The following MLXIP variants were observed in gnomAD, a reference collection of about 807,000 sequenced individuals.
The protein encoded by MLXIP is MLX interacting protein.
MLXIP carries 30 observed loss-of-function variants against 87.2 expected under a neutral mutation model. The ratio of observed to expected loss-of-function variants is 0.34; its 90% CI spans 0.26 to 0.47. The LOEUF (loss-of-function observed/expected upper bound fraction) is 0.47. Among genes scored for constraint, MLXIP ranks in the 20% least tolerant of loss-of-function variants. MLXIP has a pLI of 1.00. For synonymous variants in MLXIP, 530 were observed against 514.0 expected (o/e 1.03, Z -0.42); for missense variants, 1,002 against 1,240.1 (o/e 0.81, Z 2.88).
Position 122,137,652 on chromosome 12 carries a change from ATC to A in MLXIP, c.2154+64_2154+65del. The A allele has an allele frequency of 2.6e-6, 4 of 1,554,762 alleles. No individual in the cohort carries two copies. The highest frequency in any genetic ancestry group is 3.5e-6 in the Non-Finnish European group (4 of 1,150,766). ...GGGAGAGGAGTGCAGGACATCAAGGATCTGTGTCTTGTCTGGAACGGAGACCT... is the reference window on the plus strand; with the variant it reads ...GGGAGAGGAGTGCAGGACATCAAGGATGTGTCTTGTCTGGAACGGAGACCT... On this transcript the variant is annotated intron_variant, in intron 12 of 16. Transcript: ENST00000319080. The surrounding 1 kb of genome is among the most constrained non-coding windows in gnomAD (Gnocchi z 4.1).
Position 122,142,461 on chromosome 12 carries a change from A to G in MLXIP, c.*649A>G, listed in dbSNP as rs1565993295. On this transcript the variant is annotated 3_prime_UTR_variant, in exon 17 of 17. Transcript: ENST00000319080. ...TGGATGTGGAACACACAGGACCAGA[A>G]TGGAAGCGTGTGATGCACGGTGGCT... 1 of 383,838 alleles carries G rather than the reference A, an allele frequency of 2.6e-6. No homozygotes were observed. Among genetic ancestry groups the G allele is most frequent in the Non-Finnish European group, 5.2e-6 (1 of 193,208 alleles). 23.8% of individuals were successfully genotyped at this position (383,838 alleles called of 1,614,324 possible). A position where few individuals can be genotyped will look rare whatever the true frequency, so the allele number is the denominator to read the frequency against.
rs539647583 is a variant in MLXIP at position 122,138,238 on chromosome 12, C to G, written c.2199C>G (p.Phe733Leu). The stretch of plus-strand genomic sequence containing the variant: ...TCTCAGCTGAGCAGAAAAGGCGCTT[C>G]AACATCAAGATGTGCTTCGACATGC... ...KHISAEQKRR[F>L]NIKMCFDMLN... Residue 733 changes from phenylalanine (F) to leucine (L), a missense_variant, in exon 13 of 17, where the codon TTC (phenylalanine) becomes TTG (leucine). Phe to Leu is a conservative substitution (Grantham distance 22, BLOSUM62 0). Transcript: ENST00000319080. 6.2e-7 allele frequency: 1 copy of G among 1,612,464 alleles called. No homozygotes were observed. Among genetic ancestry groups the G allele is most frequent in the Non-Finnish European group, 8.5e-7 (1 of 1,179,340 alleles).
Position 122,135,248 on chromosome 12 carries a change from C to T in MLXIP, c.1757C>T (p.Ala586Val), listed in dbSNP as rs766693194. ...GCTGCCTTTTCAGGCCAACCACAAGCGGTGATCATGACGTCAGGGCCTCTG... is the reference window on the plus strand; with the variant it reads ...GCTGCCTTTTCAGGCCAACCACAAGTGGTGATCATGACGTCAGGGCCTCTG... ...APAAFSGQPQ[A>V]VIMTSGPLKR... The change falls in exon 10 of 17, where the codon GCG (alanine) becomes GTG (valine). Residue 586 changes from alanine (A) to valine (V), a missense_variant. Coordinates refer to ENST00000319080, the MANE Select transcript of MLXIP (RefSeq NM_014938.6). This position sits in a 1 kb window ranked among gnomAD's most constrained non-coding sequence, Gnocchi z 5.3. The T allele has an allele frequency of 1.3e-5, 21 of 1,613,396 alleles. No individual in the cohort carries two copies. Among genetic ancestry groups the T allele is most frequent in the East Asian group, 2.2e-5 (1 of 44,892 alleles).
intron 1 of MLXIP, among the ~76,000 whole-genome samples, chr12:122,119,994 G>A (rs1952754089): frequency 1.3e-5 from 2 of 152,340 alleles, no homozygotes; most frequent in South Asian, 2.1e-4. Flanking sequence ...AACTGATTGG[G>A]AAGTAAAACG....
chr12:122,140,712 G>C (rs985256148), intron 15 of MLXIP: 1 of 607,928 alleles, frequency 1.6e-6, no homozygotes, highest in Non-Finnish European at 3.0e-6. Flanking sequence ...CTGTGTCCCT[G>C]TCCCCTGCCT....
At chr12:122,092,607 G>T (rs1388264492) in intron 1 of MLXIP, among the ~76,000 whole-genome samples, 1 of 152,000 alleles carries the variant, frequency 6.6e-6, no homozygotes, top group South Asian at 2.1e-4. Context: ...GGGAATGGAG[G>T]GTATATTCTC....
chr12:122,128,333 A>G, intron 3 of MLXIP: 2 of 181,708 alleles, frequency 1.1e-5, no homozygotes, highest in South Asian at 2.5e-4. Context: ...GGGCTGCCAG[A>G]TGAGGGGGAG....
intron 1 of MLXIP, among the ~76,000 whole-genome samples, chr12:122,081,083 G>T (rs1952084392): frequency 6.6e-6 from 1 of 151,894 alleles, no homozygotes; most frequent in Admixed American, 6.6e-5. Flanking sequence ...TTTAGTAATG[G>T]CATTTTTTTT....
At chr12:122,087,974 C>CAA (rs955181199) in intron 1 of MLXIP, among the ~76,000 whole-genome samples, 5 of 152,196 alleles carry the variant, frequency 3.3e-5, no homozygotes, top group African/African-American at 1.2e-4. Flanking sequence ...GAAGGCTGGG[C>CAA]AAGGAGCGGT....
At chr12:122,129,312 T>G in intron 4 of MLXIP, 86 bp downstream of exon 4, 3 of 1,228,236 alleles carry the variant, frequency 2.4e-6, no homozygotes, top group Non-Finnish European at 3.5e-6. Context: ...GGCGGTAGGC[T>G]CCACAGCCGC....
chr12:122,103,391 AT>A (rs1565965764), intron 1 of MLXIP, among the ~76,000 whole-genome samples: 1 of 151,658 alleles, frequency 6.6e-6, no homozygotes, highest in African/African-American at 2.4e-5. Flanking sequence ...TGCCCGGCTA[AT>A]TTTTGTATTT....
At chr12:122,093,061 G>A (rs1364094073) in intron 1 of MLXIP, among the ~76,000 whole-genome samples, 2 of 145,292 alleles carry the variant, frequency 1.4e-5, no homozygotes, top group African/African-American at 5.1e-5. Context: ...TGTGTGGTGT[G>A]CATGTGTTGG....
intron 1 of MLXIP, among the ~76,000 whole-genome samples, chr12:122,118,894 C>T (rs1238313220): frequency 6.6e-6 from 1 of 150,408 alleles, no homozygotes; most frequent in Non-Finnish European, 1.5e-5. Flanking sequence ...GGGCTGGGCA[C>T]GGTGGCTCGT....
At chr12:122,129,688 G>A (rs752995138) in intron 5 of MLXIP, 59 bp downstream of exon 5, 100 of 1,593,158 alleles carry the variant, frequency 6.3e-5, no homozygotes, top group Non-Finnish European at 8.0e-5. Context: ...CAGGGACTTC[G>A]GTGGCCCACC....
In MLXIP at chr12:122,113,260, G is replaced by T. The variant is rs182277899; in HGVS notation, c.414-13996G>T. 7.2e-5 allele frequency among the ~76,000 whole-genome samples: 11 copies of T among 152,060 alleles called. No homozygotes were observed. The East Asian group carries it at 1.5e-3, about 21-fold the overall frequency. ...TATTCATATATATATGGATTTTTTG[G>T]TTTTTTCTTTTTGTTTTGAGACAGG... On this transcript the variant is annotated intron_variant, in intron 1 of 16. Coordinates refer to ENST00000319080, the MANE Select transcript of MLXIP (RefSeq NM_014938.6).
chr12:122,141,254 GA>G (rs1240677306), intron 16 of MLXIP, 171 bp downstream of exon 16: 2 of 509,076 alleles, frequency 3.9e-6, no homozygotes, highest in East Asian at 3.0e-4. Flanking sequence ...GTGGGGGCAG[GA>G]GGCTCCTGCC....
chr12:122,105,626 C>G (rs1012838728), intron 1 of MLXIP, among the ~76,000 whole-genome samples: 1 of 152,044 alleles, frequency 6.6e-6, no homozygotes, highest in African/African-American at 2.4e-5. Flanking sequence ...AGTGAGCCAC[C>G]GCGCTCGGCT....
chr12:122,116,182 A>T (rs1466137373), intron 1 of MLXIP, among the ~76,000 whole-genome samples: 3 of 152,186 alleles, frequency 2.0e-5, no homozygotes, highest in African/African-American at 7.2e-5. Context: ...TGCTCCAGCG[A>T]TACAAGAGCC....
At chr12:122,094,285 TGTGTGGTGTGATGGTGTGTGTG>T (rs1952307761) in intron 1 of MLXIP, among the ~76,000 whole-genome samples, 1 of 138,964 alleles carries the variant, frequency 7.2e-6, no homozygotes, top group East Asian at 2.2e-4. Context: ...GCGATGTCTG[TGTGTGGTGTGATGGTGTGTGTG>T]GTGTGTGGTG....
Sources: gnomAD v4.1 joint callset for allele counts (sites outside exome capture counted in the v4.1 genomes callset) on GRCh38, gnomAD v4.1.1 for gene constraint, Gnocchi (gnomAD v3.1) non-coding constraint, MANE v1.5 for transcripts, NCBI Gene and HGNC (gene_info 2026-07-23, HGNC 2026-07-21) for gene names.